The following PICALM variants were observed in gnomAD, a reference collection of about 807,000 sequenced individuals.
The protein encoded by PICALM is phosphatidylinositol binding clathrin assembly protein.
PICALM carries 40 observed loss-of-function variants against 80.5 expected under a neutral mutation model. The observed-to-expected ratio is 0.50, with a 90% CI of 0.39 to 0.65. PICALM has a LOEUF of 0.65. PICALM is among the 30% of genes least tolerant of loss of function. The probability of loss-of-function intolerance (pLI) is 0.00; values close to 1 mark genes in which losing one functional copy is unlikely to be tolerated. For missense variants in PICALM, 676 were observed against 778.9 expected, an observed-to-expected ratio of 0.87 and a Z score of 1.57; for synonymous variants, 288 against 260.3, an observed-to-expected ratio of 1.11 and a Z score of -1.02.
chr11:86,032,754 A>G (rs2095779952), intron 1 of PICALM, among the ~76,000 whole-genome samples: 1 of 152,192 alleles, frequency 6.6e-6, no homozygotes, highest in Non-Finnish European at 1.5e-5. Flanking sequence ...CAATAAAGGG[A>G]AAAAAGTTAT....
intron 19 of PICALM, among the ~76,000 whole-genome samples, chr11:85,959,495 T>C (rs2093615071): frequency 6.6e-6 from 1 of 151,770 alleles, no homozygotes; most frequent in Non-Finnish European, 1.5e-5. Context: ...TAGCCAGGCG[T>C]GGTGGCGGGC....
chr11:86,033,278 G>GTA (rs373149239), intron 1 of PICALM, among the ~76,000 whole-genome samples: 9 of 151,636 alleles, frequency 5.9e-5, no homozygotes, highest in East Asian at 3.9e-4. Context: ...TGGTGTGTGT[G>GTA]TATATATATA....
intron 5 of PICALM, among the ~76,000 whole-genome samples, 156 bp from the exon 6 acceptor site, chr11:86,012,548 T>TA (rs1184261150): frequency 3.3e-5 from 5 of 152,238 alleles, no homozygotes; most frequent in African/African-American, 2.4e-5. Context: ...AAGATCACGG[T>TA]GCAGTAGCTA....
chr11:86,023,878 A>G (rs2095606065), intron 3 of PICALM, among the ~76,000 whole-genome samples: 1 of 152,324 alleles, frequency 6.6e-6, no homozygotes, highest in Non-Finnish European at 1.5e-5. Flanking sequence ...CTGTAATCCC[A>G]GCACTTTGGG....
At chr11:86,008,997 A>C (rs2095338288) in intron 7 of PICALM, among the ~76,000 whole-genome samples, 1 of 151,322 alleles carries the variant, frequency 6.6e-6, no homozygotes, top group African/African-American at 2.4e-5. Context: ...GGGACTCTTC[A>C]TATTTTTCTT....
At chr11:85,998,623 C>T (rs547807) in intron 11 of PICALM, among the ~76,000 whole-genome samples, 37,692 of 151,692 alleles carry the variant, frequency 0.25, 4,882 homozygotes, top group African/African-American at 0.31. Flanking sequence ...CGAAAAAATA[C>T]GAAAAATAGT....
chr11:85,996,091 C>T (rs2094951037), intron 12 of PICALM, among the ~76,000 whole-genome samples: 1 of 152,046 alleles, frequency 6.6e-6, no homozygotes, highest in Non-Finnish European at 1.5e-5. Context: ...ACAGAGCTTA[C>T]TTTCTAGGAT....
Position 85,958,048 on chromosome 11 carries a change from C to T in PICALM, c.*998G>A, listed in dbSNP as rs867882955. On this transcript the variant is annotated 3_prime_UTR_variant, in exon 20 of 20. Transcript: ENST00000393346. ...CCTTCCCTCCCCCTTGTAACACCTTCTAGAGTTTTAGTGAAAAGAAGGAAA... is the reference window on the plus strand; with the variant it reads ...CCTTCCCTCCCCCTTGTAACACCTTTTAGAGTTTTAGTGAAAAGAAGGAAA... 10 of 224,914 alleles carry T rather than the reference C, an allele frequency of 4.4e-5. 1 individual carries two copies. The highest frequency in any genetic ancestry group is 1.3e-3 in the Middle Eastern group (1 of 772). The allele number at this position is 224,914 out of a possible 1,614,324, so 13.9% of individuals were successfully genotyped here. A position where few individuals can be genotyped will look rare whatever the true frequency, so the allele number is the denominator to read the frequency against.
chr11:86,044,140 G>A (rs1479081827), intron 1 of PICALM, among the ~76,000 whole-genome samples: 3 of 152,222 alleles, frequency 2.0e-5, no homozygotes, highest in African/African-American at 7.2e-5. Context: ...TGGGAGGAAT[G>A]TAATCAGTAA....
In PICALM at chr11:86,061,105, G is replaced by C. The variant is rs548901684; in HGVS notation, c.130+7546C>G. Among the ~76,000 whole-genome samples, 7 of 152,244 alleles carry C rather than the reference G, an allele frequency of 4.6e-5. No individual in the cohort carries two copies. In the East Asian group the frequency reaches 1.2e-3, roughly 25 times the overall value. On this transcript the variant is annotated intron_variant, in intron 1 of 19. Coordinates refer to ENST00000393346, the MANE Select transcript of PICALM (RefSeq NM_007166.4). ...ACACTTTGGGAGGCTGAAGCAGGCG[G>C]ATCACCTGAGATGAGGAGTTCAAGA...
At chr11:85,992,683 C>CA (rs1198985744) in intron 12 of PICALM, among the ~76,000 whole-genome samples, 8 of 151,694 alleles carry the variant, frequency 5.3e-5, no homozygotes, top group East Asian at 1.9e-4. Flanking sequence ...GTTTTTCACG[C>CA]AAAAAAAGCC....
chr11:86,000,873 G>A, intron 10 of PICALM, 94 bp from the exon 11 acceptor site: 1 of 1,503,814 alleles, frequency 6.6e-7, no homozygotes. Flanking sequence ...TCTGATAGCA[G>A]ATATTCTGTT....
chr11:86,019,529 C>T (rs2095532981), intron 4 of PICALM, among the ~76,000 whole-genome samples: 1 of 152,168 alleles, frequency 6.6e-6, no homozygotes, highest in Non-Finnish European at 1.5e-5. Context: ...ATCTATTATT[C>T]TGAAATCTGT....
rs750059325 is a variant in PICALM at position 86,031,460 on chromosome 11, TCTG to T, written c.273+6_273+8del. 1.2e-6 allele frequency: 2 copies of T among 1,602,836 alleles called. No homozygotes were observed. The highest frequency in any genetic ancestry group is 2.7e-5 in the African/African-American group (2 of 74,406). On this transcript the variant is annotated splice_donor_region_variant and intron_variant, in intron 2 of 19. Coordinates refer to ENST00000393346, the MANE Select transcript of PICALM (RefSeq NM_007166.4). The stretch of plus-strand genomic sequence containing the variant: ...ATCAGTATACTTGTTCAATAAAAAT[TCTG>T]CTTACCTCATTTCCATACACCATCA...
intron 8 of PICALM, among the ~76,000 whole-genome samples, chr11:86,004,897 T>C (rs898186917): frequency 6.6e-6 from 1 of 152,154 alleles, no homozygotes; most frequent in African/African-American, 2.4e-5. Context: ...AGAGTATACA[T>C]ACACTTTCAA....
rs748905080 is a variant in PICALM, at chr11:85,958,956, A to G, written c.*90T>C. On this transcript the variant is annotated 3_prime_UTR_variant, in exon 20 of 20. Transcript: ENST00000393346. ...TGGAAGAAGAGAGTTTAAGAGATTT[A>G]AGAGACAGCAGTTTGGATTTTGCTG... The G allele has an allele frequency of 1.3e-5, 12 of 902,964 alleles. No homozygotes were observed. Among genetic ancestry groups the G allele is most frequent in the Admixed American group, 4.3e-5 (2 of 46,272 alleles). 55.9% of individuals were successfully genotyped at this position (902,964 alleles called of 1,614,324 possible). A position where few individuals can be genotyped will look rare whatever the true frequency, so the allele number is the denominator to read the frequency against.
intron 1 of PICALM, 81 bp downstream of exon 1, chr11:86,068,570 T>G (rs1440679344): frequency 7.4e-7 from 1 of 1,358,886 alleles, no homozygotes; most frequent in Non-Finnish European, 1.0e-6. Flanking sequence ...AGTAGAAGGG[T>G]GAAAGACAAG....
intron 1 of PICALM, among the ~76,000 whole-genome samples, chr11:86,053,996 A>T (rs2096232732): frequency 6.6e-6 from 1 of 152,196 alleles, no homozygotes; most frequent in African/African-American, 2.4e-5. Context: ...CTGACTTCAA[A>T]CTGATTTAAC....
intron 4 of PICALM, among the ~76,000 whole-genome samples, chr11:86,019,600 T>A (rs2095533971): frequency 6.6e-6 from 1 of 152,210 alleles, no homozygotes; most frequent in Admixed American, 6.5e-5. Flanking sequence ...TTGGACAGGA[T>A]ACAGAGGTTA....
Sources: gnomAD v4.1 joint callset for allele counts (sites outside exome capture counted in the v4.1 genomes callset) on GRCh38, gnomAD v4.1.1 for gene constraint, MANE v1.5 for transcripts, NCBI Gene and HGNC (gene_info 2026-07-23, HGNC 2026-07-21) for gene names.